CUBN: variants seen among roughly 807,000 people sequenced by gnomAD.
CUBN encodes the protein cubilin.
A neutral mutation model predicts 405.3 loss-of-function variants in CUBN; 282 were observed. That is an observed-to-expected ratio of 0.70 (90% CI 0.63 to 0.77). The LOEUF is 0.77. Among genes scored for constraint, CUBN ranks in the 30% least tolerant of loss-of-function variants. The probability of loss-of-function intolerance (pLI) is 0.00; values close to 1 mark genes in which losing one functional copy is unlikely to be tolerated. For synonymous variants in CUBN, 1,684 were observed against 1,617.0 expected (o/e 1.04, Z -0.99); for missense variants, 4,514 against 4,475.2 (o/e 1.01, Z -0.25).
intron 49 of CUBN, among the ~76,000 whole-genome samples, chr10:16,906,886 G>GT (rs1841570844): frequency 6.6e-6 from 1 of 151,954 alleles, no homozygotes; most frequent in African/African-American, 2.4e-5. Context: ...ATAACTTAGC[G>GT]TTTTTCTTTT....
chr10:16,826,092 C>T (rs557956104), intron 66 of CUBN, among the ~76,000 whole-genome samples: 2 of 151,932 alleles, frequency 1.3e-5, no homozygotes, highest in East Asian at 1.9e-4. Flanking sequence ...TTGTTTGTCC[C>T]GTTATTCTCT....
At position 17,019,924 on chromosome 10, in the gene CUBN, C is replaced by T; in HGVS notation, c.4077G>A (p.Gly1359=). ...RYCGVDLPPP[G]STTSSKLQVL... ...CTTGAAGCTTGGAGCTTGTAGTACT[C>T]CCTGGAGGGGGCAGGTCTACTCCAC... is the stretch of plus-strand genomic sequence containing the variant. Residue 1359 remains glycine, a synonymous_variant, in exon 28 of 67, where the codon GGG becomes GGA. Coordinates refer to ENST00000377833, the MANE Select transcript of CUBN (RefSeq NM_001081.4). The T allele has an allele frequency of 6.2e-7, 1 of 1,614,108 alleles. No homozygotes were observed. The highest frequency in any genetic ancestry group is 1.3e-5 in the African/African-American group (1 of 75,032).
At chr10:16,946,324 C>T (rs1842780856) in intron 36 of CUBN, among the ~76,000 whole-genome samples, 1 of 152,052 alleles carries the variant, frequency 6.6e-6, no homozygotes, top group Admixed American at 6.6e-5. Flanking sequence ...CTAATTTAAT[C>T]TAAGACCACT....
In CUBN at chr10:16,891,337, G is replaced by A. The variant is rs1840997158; in HGVS notation, c.8599-810C>T. ...GCTATAAACAAGGCATTATGATGGG[G>A]CTGTTGAGAATATATAATTGGTGGC... On this transcript the variant is annotated intron_variant, in intron 54 of 66. Transcript: ENST00000377833. Among the ~76,000 whole-genome samples, 3 of 152,256 alleles carry A rather than the reference G, an allele frequency of 2.0e-5. No individual in the cohort carries two copies. The South Asian group carries it at 6.2e-4, about 32-fold the overall frequency.
intron 14 of CUBN, among the ~76,000 whole-genome samples, chr10:17,095,094 A>G (rs543459747): frequency 3.3e-5 from 5 of 152,198 alleles, no homozygotes; most frequent in African/African-American, 1.2e-4. Context: ...GAGCCCAGAA[A>G]TAAGTCCATA....
chr10:16,989,965 G>C (rs1833533671), intron 29 of CUBN, among the ~76,000 whole-genome samples: 1 of 152,244 alleles, frequency 6.6e-6, no homozygotes, highest in Non-Finnish European at 1.5e-5. Context: ...ATGGGAACCA[G>C]AGTTGGCGGA....
chr10:16,944,328 T>A (rs1405638227), intron 36 of CUBN, among the ~76,000 whole-genome samples: 1 of 152,228 alleles, frequency 6.6e-6, no homozygotes, highest in Non-Finnish European at 1.5e-5. Context: ...TTGGTCATAT[T>A]ATGGGTAATA....
intron 51 of CUBN, 132 bp from the exon 52 acceptor site, chr10:16,901,591 C>A: frequency 8.2e-7 from 1 of 1,213,802 alleles, no homozygotes; most frequent in South Asian, 1.3e-5. Flanking sequence ...TGGTGGCTCA[C>A]GCCAGTAATA....
chr10:16,904,178 A>G, intron 50 of CUBN, 63 bp from the exon 51 acceptor site: 1 of 1,498,886 alleles, frequency 6.7e-7, no homozygotes, highest in Non-Finnish European at 9.3e-7. Context: ...CATTCAATGA[A>G]TTTGATAAAA....
At chr10:16,888,606 C>G in intron 55 of CUBN, 40 bp from the exon 56 acceptor site, 6 of 1,583,414 alleles carry the variant, frequency 3.8e-6, no homozygotes, top group Non-Finnish European at 5.2e-6. Flanking sequence ...TCATTTATTT[C>G]TCGTGTATCT....
intron 22 of CUBN, among the ~76,000 whole-genome samples, chr10:17,059,254 T>C (rs1205448641): frequency 6.6e-6 from 1 of 152,154 alleles, no homozygotes; most frequent in Admixed American, 6.5e-5. Flanking sequence ...AATAAGTTTT[T>C]GTAACACAGG....
rs1707275 is a variant in CUBN, at chr10:16,967,103, C to G, written c.4696-12555G>C. On this transcript the variant is annotated intron_variant, in intron 31 of 66. Transcript: ENST00000377833. ...GAAAATATTACTCATTATAGCATCT[C>G]TTCTTGGGGCTGAGGAAGGAGGAAG... 3.9e-5 allele frequency among the ~76,000 whole-genome samples: 6 copies of G among 152,022 alleles called. No homozygotes were observed. In the South Asian group the frequency reaches 8.3e-4, roughly 21 times the overall value.
At chr10:17,011,408 T>C (rs1452546070) in intron 28 of CUBN, among the ~76,000 whole-genome samples, 1 of 152,052 alleles carries the variant, frequency 6.6e-6, no homozygotes, top group African/African-American at 2.4e-5. Flanking sequence ...TTACGGCCCT[T>C]AAAGGTAGTG....
chr10:17,035,407 T>C (rs1257037050), intron 27 of CUBN, among the ~76,000 whole-genome samples: 1 of 152,200 alleles, frequency 6.6e-6, no homozygotes, highest in Non-Finnish European at 1.5e-5. Context: ...GCATGGATGC[T>C]TTCAGAAGAG....
chr10:17,087,083 C>T (rs1243944416), intron 15 of CUBN, among the ~76,000 whole-genome samples: 1 of 152,168 alleles, frequency 6.6e-6, no homozygotes, highest in African/African-American at 2.4e-5. Flanking sequence ...CTTTTACTTG[C>T]AGAGCCCCTT....
chr10:16,841,247 A>T (rs917535557), intron 60 of CUBN, among the ~76,000 whole-genome samples, 200 bp from the exon 61 acceptor site: 5 of 152,152 alleles, frequency 3.3e-5, no homozygotes, highest in Admixed American at 1.3e-4. Context: ...ATGACGCCTA[A>T]CATTTTTTTC....
At chr10:17,018,727 A>G (rs1834411219) in intron 28 of CUBN, among the ~76,000 whole-genome samples, 2 of 152,090 alleles carry the variant, frequency 1.3e-5, no homozygotes, top group Non-Finnish European at 2.9e-5. Flanking sequence ...CATTTTACAG[A>G]GCACTGATTC....
At chr10:17,118,469 G>A (rs1299858690) in intron 6 of CUBN, among the ~76,000 whole-genome samples, 1 of 152,088 alleles carries the variant, frequency 6.6e-6, no homozygotes, top group Non-Finnish European at 1.5e-5. Context: ...TTTGAGACAG[G>A]GTCTTGTGCC....
intron 31 of CUBN, among the ~76,000 whole-genome samples, chr10:16,955,254 T>C (rs543820747): frequency 6.6e-6 from 1 of 151,498 alleles, no homozygotes; most frequent in East Asian, 1.9e-4. Flanking sequence ...GCACCTGTAG[T>C]CAAAGCTACT....
Sources: gnomAD v4.1 joint callset for allele counts (sites outside exome capture counted in the v4.1 genomes callset) on GRCh38, gnomAD v4.1.1 for gene constraint, MANE v1.5 for transcripts, NCBI Gene and HGNC (gene_info 2026-07-23, HGNC 2026-07-21) for gene names.